SV2B: variants seen among roughly 807,000 people sequenced by gnomAD.
The protein encoded by SV2B is solute carrier family 22 member B2.
A neutral mutation model predicts 73.9 loss-of-function variants in SV2B; 41 were observed. The ratio of observed to expected loss-of-function variants is 0.56; its 90% CI spans 0.43 to 0.72. The LOEUF (loss-of-function observed/expected upper bound fraction) is 0.72. Ranked by LOEUF, SV2B falls within the 30% of genes least tolerant of loss-of-function variation. SV2B has a pLI of 0.00. For synonymous variants in SV2B, 314 were observed against 314.2 expected, an observed-to-expected ratio of 1.00 and a Z score of 0.01; for missense variants, 764 against 857.8, an observed-to-expected ratio of 0.89 and a Z score of 1.37.
At position 91,288,440 on chromosome 15, in the gene SV2B, A is replaced by G. The variant is rs2048933675; in HGVS notation, c.1709-1081A>G. ...AATTTACTCTCTTAGCAATTTTGAAATATACAATACATTGTTAGTAACTGT... is the reference window on the plus strand; with the variant it reads ...AATTTACTCTCTTAGCAATTTTGAAGTATACAATACATTGTTAGTAACTGT... On this transcript the variant is annotated intron_variant, in intron 11 of 12. Transcript: ENST00000394232. This position sits in a 1 kb window ranked among gnomAD's most constrained non-coding sequence, Gnocchi z 5.8. Among the ~76,000 whole-genome samples, 1 of 152,142 alleles carries G rather than the reference A, an allele frequency of 6.6e-6. No homozygotes were observed. Among genetic ancestry groups the G allele is most frequent in the Non-Finnish European group, 1.5e-5 (1 of 68,028 alleles).
At chr15:91,120,791 GA>G (rs2042310387) in intron 1 of SV2B, among the ~76,000 whole-genome samples, 1 of 138,302 alleles carries the variant, frequency 7.2e-6, no homozygotes, top group Non-Finnish European at 1.5e-5. Flanking sequence ...CAGCCTGTGT[GA>G]CAGAGTGAGA....
At chr15:91,107,322 T>G (rs1261803135) in intron 1 of SV2B, among the ~76,000 whole-genome samples, 1 of 151,922 alleles carries the variant, frequency 6.6e-6, no homozygotes, top group Non-Finnish European at 1.5e-5. Flanking sequence ...TATTTATTTA[T>G]TTATTTTTTG....
chr15:91,219,881 A>G (rs564775048), intron 1 of SV2B, among the ~76,000 whole-genome samples: 1 of 152,340 alleles, frequency 6.6e-6, no homozygotes, highest in African/African-American at 2.4e-5. Flanking sequence ...GAATCATACA[A>G]CACGTGGTCT....
intron 4 of SV2B, among the ~76,000 whole-genome samples, chr15:91,257,216 A>G (rs987381240): frequency 6.6e-6 from 1 of 152,198 alleles, no homozygotes; most frequent in Non-Finnish European, 1.5e-5. Context: ...AAAAAAAATC[A>G]ATGTACTCTC....
chr15:91,213,837 G>T (rs1249793939), intron 1 of SV2B, among the ~76,000 whole-genome samples: 1 of 152,158 alleles, frequency 6.6e-6, no homozygotes, highest in Non-Finnish European at 1.5e-5. Context: ...CTGAACCTGA[G>T]TCTTGTTTTC....
At chr15:91,276,805 GTTATTATTATTATTA>G (rs3082230) in intron 9 of SV2B, among the ~76,000 whole-genome samples, 2 of 92,096 alleles carry the variant, frequency 2.2e-5, no homozygotes, top group Non-Finnish European at 5.8e-5. Flanking sequence ...TATTGTTGTT[GTTATTATTATTATTA>G]TTATTATTAT....
At chr15:91,205,434 C>T (rs112921709) in intron 1 of SV2B, among the ~76,000 whole-genome samples, 1,598 of 151,726 alleles carry the variant, frequency 0.011, 24 homozygotes, top group African/African-American at 0.036. Flanking sequence ...GTGGTGATCT[C>T]GGTACACTGC....
At position 91,268,333 on chromosome 15, in the gene SV2B, T is replaced by C. The variant is rs2048175564; in HGVS notation, c.1209-108T>C. On this transcript the variant is annotated intron_variant, in intron 8 of 12. Transcript: ENST00000394232. The surrounding 1 kb of genome is among the most constrained non-coding windows in gnomAD (Gnocchi z 4.4). ...TCAGATTTTCTAATAATGAACCAAA[T>C]TAATGTATTTTCAATGAGTTTGATC... The C allele has an allele frequency of 8.0e-6, 9 of 1,120,560 alleles. No homozygotes were observed. Among genetic ancestry groups the C allele is most frequent in the Non-Finnish European group, 1.1e-5 (9 of 809,856 alleles). 69.4% of individuals were successfully genotyped at this position (1,120,560 alleles called of 1,614,324 possible). A position where few individuals can be genotyped will look rare whatever the true frequency, so the allele number is the denominator to read the frequency against.
intron 1 of SV2B, among the ~76,000 whole-genome samples, chr15:91,172,480 A>G (rs1345141329): frequency 1.3e-5 from 2 of 152,284 alleles, no homozygotes; most frequent in East Asian, 3.9e-4. Flanking sequence ...TTTTGGTCCC[A>G]CCATGTCTTC....
chr15:91,200,974 C>G (rs1255089606), intron 1 of SV2B, among the ~76,000 whole-genome samples: 1 of 152,190 alleles, frequency 6.6e-6, no homozygotes, highest in Non-Finnish European at 1.5e-5. Flanking sequence ...TGTACACATC[C>G]TGGATTTCAC....
At chr15:91,131,176 GACAA>G (rs1337735008) in intron 1 of SV2B, among the ~76,000 whole-genome samples, 2 of 131,410 alleles carry the variant, frequency 1.5e-5, no homozygotes, top group Non-Finnish European at 3.2e-5. Context: ...TTTAAATAGA[GACAA>G]GGTCTCACTT....
rs2046323997 is a variant in SV2B, at chr15:91,224,874, C to T, written c.-391-999C>T. 6.6e-6 allele frequency among the ~76,000 whole-genome samples: 1 copy of T among 152,102 alleles called. No individual in the cohort carries two copies. Among genetic ancestry groups the T allele is most frequent in the African/African-American group, 2.4e-5 (1 of 41,408 alleles). ...TGAGATTCTAGGCACAATGAGAATC[C>T]ACTGGGCAAAGGAGTCAACAGAGGG... On this transcript the variant is annotated intron_variant, in intron 1 of 12. Coordinates refer to ENST00000394232, the MANE Select transcript of SV2B (RefSeq NM_001323032.3). The surrounding 1 kb of genome is among the most constrained non-coding windows in gnomAD (Gnocchi z 4.9).
At position 91,128,953 on chromosome 15, in the gene SV2B, T is replaced by A. The variant is rs1259999891; in HGVS notation, c.-392+28590T>A. The A allele has an allele frequency of 6.6e-6, 1 of 152,290 alleles. No homozygotes were observed. The highest frequency in any genetic ancestry group is 2.4e-5 in the African/African-American group (1 of 41,474). The allele number at this position is 152,290 out of a possible 1,614,324, so 9.4% of individuals were successfully genotyped here. ...TTCCCTTGTGTCTTTGGGTCTTCATTCTGAAGGCTCCCGTGGATACACGTC... is the reference window on the plus strand; with the variant it reads ...TTCCCTTGTGTCTTTGGGTCTTCATACTGAAGGCTCCCGTGGATACACGTC... On this transcript the variant is annotated intron_variant, in intron 1 of 12. Coordinates refer to ENST00000394232, the MANE Select transcript of SV2B (RefSeq NM_001323032.3). This position sits in a 1 kb window ranked among gnomAD's most constrained non-coding sequence, Gnocchi z 4.2.
At chr15:91,150,435 C>G (rs1030579500) in intron 1 of SV2B, among the ~76,000 whole-genome samples, 19 of 152,192 alleles carry the variant, frequency 1.2e-4, no homozygotes, top group African/African-American at 4.1e-4. Context: ...TTGATATTTC[C>G]TCCTGAATTA....
rs1262137221 is a variant in SV2B, at chr15:91,274,463, A to G, written c.1373+5858A>G. ...AGCCTGCCATCTATGGAGACAATAC[A>G]TTTAGATGACCAATTCATTTTGTAA... is the stretch of plus-strand genomic sequence containing the variant. On this transcript the variant is annotated intron_variant, in intron 9 of 12. Coordinates refer to ENST00000394232, the MANE Select transcript of SV2B (RefSeq NM_001323032.3). 2.6e-5 allele frequency among the ~76,000 whole-genome samples: 4 copies of G among 152,214 alleles called. No homozygotes were observed. In the South Asian group the frequency reaches 6.2e-4, roughly 24 times the overall value.
At chr15:91,193,949 A>T (rs566634762) in intron 1 of SV2B, among the ~76,000 whole-genome samples, 1 of 152,210 alleles carries the variant, frequency 6.6e-6, no homozygotes, top group South Asian at 2.1e-4. Context: ...AAATGTGGAA[A>T]TTGCAAACCT....
At chr15:91,200,693 G>A (rs536661029) in intron 1 of SV2B, among the ~76,000 whole-genome samples, 1 of 152,282 alleles carries the variant, frequency 6.6e-6, no homozygotes, top group East Asian at 1.9e-4. Flanking sequence ...AGGTCCGCTT[G>A]AGTCCAGGAG....
At chr15:91,274,151 C>T (rs1446121776) in intron 9 of SV2B, among the ~76,000 whole-genome samples, 1 of 152,134 alleles carries the variant, frequency 6.6e-6, no homozygotes, top group Non-Finnish European at 1.5e-5. Flanking sequence ...ACTTTTCTTG[C>T]TATTACAAAT....
intron 5 of SV2B, among the ~76,000 whole-genome samples, chr15:91,259,682 G>A (rs1369249324): frequency 6.6e-6 from 1 of 152,148 alleles, no homozygotes; most frequent in Admixed American, 6.5e-5. Flanking sequence ...AGATTCTGGT[G>A]GTTTGTGGCA....
Sources: gnomAD v4.1 joint callset for allele counts (sites outside exome capture counted in the v4.1 genomes callset) on GRCh38, gnomAD v4.1.1 for gene constraint, Gnocchi (gnomAD v3.1) non-coding constraint, MANE v1.5 for transcripts, NCBI Gene and HGNC (gene_info 2026-07-23, HGNC 2026-07-21) for gene names.